CSTPP1: variants seen among roughly 807,000 people sequenced by gnomAD.
CSTPP1 encodes UPF0705 protein C11orf49.
the CSTPP1 span, among the ~76,000 whole-genome samples, chr11:47,025,400 A>G: frequency 1.3e-5 from 2 of 152,250 alleles, no homozygotes; most frequent in African/African-American, 2.4e-5. Context: ...CTAAAAGAAC[A>G]AACCCTGCAT....
chr11:46,964,574 C>G, the CSTPP1 span, among the ~76,000 whole-genome samples: 1 of 152,182 alleles, frequency 6.6e-6, no homozygotes, highest in African/African-American at 2.4e-5. Flanking sequence ...CGTGAGCCAC[C>G]GCGCCTGGCC....
chr11:47,038,465 C>CA, the CSTPP1 span, among the ~76,000 whole-genome samples: 1 of 107,756 alleles, frequency 9.3e-6, no homozygotes, highest in East Asian at 2.6e-4. Flanking sequence ...CTGACCCCCC[C>CA]ACCTCCCTCC....
chr11:46,972,782 T>A, the CSTPP1 span, among the ~76,000 whole-genome samples: 4 of 152,328 alleles, frequency 2.6e-5, no homozygotes, highest in East Asian at 1.9e-4. Context: ...AAAATTATTT[T>A]AAAAAATCTT....
At chr11:47,058,597 G>GA in the CSTPP1 span, among the ~76,000 whole-genome samples, 1 of 152,144 alleles carries the variant, frequency 6.6e-6, no homozygotes, top group Admixed American at 6.5e-5. Context: ...ACAATATAGT[G>GA]AAAATGATAA....
chr11:46,978,340 T>C, the CSTPP1 span, among the ~76,000 whole-genome samples: 1 of 152,150 alleles, frequency 6.6e-6, no homozygotes, highest in Admixed American at 6.5e-5. Context: ...AGGGAAAGGT[T>C]CACAAAGAAG....
At chr11:47,147,332 C>T in the CSTPP1 span, among the ~76,000 whole-genome samples, 1 of 152,124 alleles carries the variant, frequency 6.6e-6, no homozygotes, top group South Asian at 2.1e-4. Context: ...AAGCTAGGCT[C>T]TCACCAATGA....
the CSTPP1 span, among the ~76,000 whole-genome samples, chr11:47,040,063 T>G: frequency 1.6e-5 from 2 of 128,714 alleles, 1 homozygote; most frequent in Admixed American, 1.6e-4. Context: ...AACTTTATAG[T>G]GGCAAAACCT....
chr11:46,943,761 G>A, the CSTPP1 span, among the ~76,000 whole-genome samples: 4 of 152,144 alleles, frequency 2.6e-5, no homozygotes, highest in Non-Finnish European at 4.4e-5. Context: ...GGTGGCTTAC[G>A]CCTATATTCC....
chr11:47,004,922 C>T, the CSTPP1 span, among the ~76,000 whole-genome samples: 1 of 152,192 alleles, frequency 6.6e-6, no homozygotes, highest in Non-Finnish European at 1.5e-5. Context: ...TATTGAGAAA[C>T]CACAGAGCCC....
the CSTPP1 span, among the ~76,000 whole-genome samples, chr11:47,110,805 C>T: frequency 6.6e-6 from 1 of 152,168 alleles, no homozygotes; most frequent in Non-Finnish European, 1.5e-5. Context: ...CTCCAGGGCC[C>T]TGAAGCCCCT....
the CSTPP1 span, among the ~76,000 whole-genome samples, chr11:47,104,598 G>A: frequency 6.6e-6 from 1 of 152,182 alleles, no homozygotes; most frequent in Non-Finnish European, 1.5e-5. Flanking sequence ...CTTTCTATCT[G>A]AAGAGCCCAG....
At chr11:47,105,321 C>A in the CSTPP1 span, among the ~76,000 whole-genome samples, 1 of 151,902 alleles carries the variant, frequency 6.6e-6, no homozygotes, top group Non-Finnish European at 1.5e-5. Flanking sequence ...ATAGGGAGAC[C>A]TCTCTCAAAA....
At chr11:47,161,136 C>T in the CSTPP1 span, 1 of 1,614,154 alleles carries the variant, frequency 6.2e-7, no homozygotes, top group Non-Finnish European at 8.5e-7. Context: ...GGAGCTTTGC[C>T]TGACAAGGGG....
chr11:47,142,444 T>C, the CSTPP1 span, among the ~76,000 whole-genome samples: 2 of 152,066 alleles, frequency 1.3e-5, no homozygotes, highest in African/African-American at 4.8e-5. Context: ...TGAGTGCATA[T>C]TTTGTGCCGG....
the CSTPP1 span, among the ~76,000 whole-genome samples, chr11:46,999,703 G>A: frequency 1.3e-5 from 2 of 152,190 alleles, no homozygotes; most frequent in Admixed American, 1.3e-4. Flanking sequence ...TCAAAAATAT[G>A]TTAACGGTAT....
chr11:47,115,361 G>T, the CSTPP1 span, among the ~76,000 whole-genome samples: 1 of 152,192 alleles, frequency 6.6e-6, no homozygotes, highest in South Asian at 2.1e-4. Context: ...AGTTAGGGAG[G>T]ATTCCCTCTT....
the CSTPP1 span, among the ~76,000 whole-genome samples, chr11:47,144,846 G>A: frequency 2.1e-4 from 32 of 152,210 alleles, no homozygotes; most frequent in African/African-American, 7.7e-4. Context: ...AACCACACAT[G>A]GCCGGACCAC....
chr11:47,137,341 C>G, the CSTPP1 span: 1 of 1,412,842 alleles, frequency 7.1e-7, no homozygotes, highest in Non-Finnish European at 9.3e-7. Flanking sequence ...GAAAACCAAA[C>G]TAAAGAAGAC....
the CSTPP1 span, among the ~76,000 whole-genome samples, chr11:47,093,115 G>A: frequency 3.9e-5 from 6 of 152,332 alleles, no homozygotes; most frequent in South Asian, 4.1e-4. Context: ...TGCATTACAC[G>A]TATTGTGTTA....
Sources: allele counts gnomAD v4.1 joint callset (sites outside exome capture counted in the v4.1 genomes callset), GRCh38; gene constraint gnomAD v4.1.1; transcripts MANE v1.5; gene names NCBI Gene and HGNC (gene_info 2026-07-23, HGNC 2026-07-21).